Variants in PTCHD4 observed in about 807,000 individuals in gnomAD.
PTCHD4 encodes patched domain containing 4, also known as patched domain-containing protein 4.
A neutral mutation model predicts 58.1 loss-of-function variants in PTCHD4; 33 were observed. The observed-to-expected ratio is 0.57, with a 90% CI of 0.43 to 0.76. The LOEUF is 0.76. Among genes scored for constraint, PTCHD4 ranks in the 30% least tolerant of loss-of-function variants. The pLI is 0.00. For synonymous variants in PTCHD4, 478 were observed against 409.6 expected, an observed-to-expected ratio of 1.17 and a Z score of -2.02; for missense variants, 1,058 against 1,027.1, an observed-to-expected ratio of 1.03 and a Z score of -0.41.
chr6:48,093,387 G>T (rs1292744488), intron 1 of PTCHD4, among the ~76,000 whole-genome samples: 2 of 152,134 alleles, frequency 1.3e-5, no homozygotes, highest in Middle Eastern at 3.4e-3. Flanking sequence ...AAGTATTATA[G>T]AAATTAAACT....
Position 48,068,549 on chromosome 6 carries a change from A to T in PTCHD4, c.98T>A (p.Leu33Ter). The part of the protein sequence containing the change: ...GLQSFCHRLG[L>*]CVSRHPVFFL... ...AAAGACCGGGTGCCGGCTCACGCACAAACCCAGCCTGTGGCAGAACGACTG... is the reference window on the plus strand; with the variant it reads ...AAAGACCGGGTGCCGGCTCACGCACTAACCCAGCCTGTGGCAGAACGACTG... Residue 33 changes from leucine (L) to a stop codon, truncating the protein, a stop_gained, in exon 3 of 5, where the codon TTG becomes TAG. Coordinates refer to ENST00000339488, the MANE Select transcript of PTCHD4 (RefSeq NM_001384253.1). LOFTEE classifies it high-confidence loss of function. The surrounding 1 kb of genome is among the most constrained non-coding windows in gnomAD (Gnocchi z 4.2). 1.9e-6 allele frequency: 3 copies of T among 1,604,786 alleles called. No homozygotes were observed. Among genetic ancestry groups the T allele is most frequent in the Non-Finnish European group, 2.5e-6 (3 of 1,177,626 alleles).
intron 1 of PTCHD4, among the ~76,000 whole-genome samples, chr6:48,099,010 T>C (rs2113910209): frequency 6.6e-6 from 1 of 152,278 alleles, no homozygotes; most frequent in Admixed American, 6.5e-5. Flanking sequence ...ACCTCTACAG[T>C]AATTTGTTTC....
intron 1 of PTCHD4, among the ~76,000 whole-genome samples, chr6:48,084,067 G>A (rs764082016): frequency 7.2e-5 from 11 of 151,866 alleles, no homozygotes; most frequent in Non-Finnish European, 1.0e-4. Flanking sequence ...TATGGGGTTC[G>A]AATTTAGCGT....
chr6:48,082,199 G>A (rs1329167151), intron 1 of PTCHD4, among the ~76,000 whole-genome samples: 1 of 152,192 alleles, frequency 6.6e-6, no homozygotes, highest in Non-Finnish European at 1.5e-5. Flanking sequence ...AGCCAGCAGA[G>A]TTCAGGAGTC....
intron 4 of PTCHD4, among the ~76,000 whole-genome samples, chr6:47,896,872 C>T (rs538637758): frequency 4.6e-5 from 7 of 152,178 alleles, no homozygotes; most frequent in South Asian, 2.1e-4. Context: ...TTGGTAGACA[C>T]GACCAAAACC....
At position 48,068,521 on chromosome 6, in the gene PTCHD4, GA is replaced by G; in HGVS notation, c.125del (p.Phe42SerfsTer8). 1 of 1,612,192 alleles carries G rather than the reference GA, an allele frequency of 6.2e-7. No homozygotes were observed. The highest frequency in any genetic ancestry group is 8.5e-7 in the Non-Finnish European group (1 of 1,179,740). ...GLCVSRHPVF[F>X]LTVPAVLTIT... ...TTGTCAGGACTGCGGGCACGGTGAG[GA>G]AAAAGACCGGGTGCCGGCTCACGCA... On this transcript the variant is annotated frameshift_variant, in exon 3 of 5. Coordinates refer to ENST00000339488, the MANE Select transcript of PTCHD4 (RefSeq NM_001384253.1). LOFTEE classifies it high-confidence loss of function. This position sits in a 1 kb window ranked among gnomAD's most constrained non-coding sequence, Gnocchi z 4.2.
rs1015480487 is a variant in PTCHD4, at chr6:47,866,497, C to T, written c.*11806G>A. Among the ~76,000 whole-genome samples the T allele has an allele frequency of 1.3e-5, 2 of 151,700 alleles. No individual in the cohort carries two copies. The highest frequency in any genetic ancestry group is 2.4e-5 in the African/African-American group (1 of 41,344). On this transcript the variant is annotated 3_prime_UTR_variant, in exon 5 of 5. Transcript: ENST00000339488. Reference sequence around the variant, plus strand: ...AGAGTGTGTTTGTTGACCATGGTCTCGTATGGCCACTTGGTTGTTGGATTT... The same window carrying T: ...AGAGTGTGTTTGTTGACCATGGTCTTGTATGGCCACTTGGTTGTTGGATTT...
intron 3 of PTCHD4, among the ~76,000 whole-genome samples, chr6:48,037,023 C>T (rs1300649569): frequency 6.6e-6 from 1 of 152,076 alleles, no homozygotes; most frequent in African/African-American, 2.4e-5. Flanking sequence ...CCATTTACTG[C>T]AAGTAAAGGA....
intron 4 of PTCHD4, among the ~76,000 whole-genome samples, chr6:48,000,673 C>A (rs923522162): frequency 1.3e-5 from 2 of 152,168 alleles, no homozygotes; most frequent in African/African-American, 2.4e-5. Context: ...TTTCCACATG[C>A]TCTCATCCCC....
chr6:48,018,228 C>T (rs1209262544), intron 3 of PTCHD4, among the ~76,000 whole-genome samples: 4 of 152,262 alleles, frequency 2.6e-5, no homozygotes, highest in Admixed American at 6.5e-5. Context: ...ACTATACCGC[C>T]GGGTGACAGA....
intron 3 of PTCHD4, among the ~76,000 whole-genome samples, chr6:48,026,410 G>T: frequency 6.6e-6 from 1 of 152,090 alleles, no homozygotes; most frequent in East Asian, 1.9e-4. Flanking sequence ...CAGACAATTT[G>T]GAATTTCAGT....
Position 47,997,252 on chromosome 6 carries a change from C to CT in PTCHD4, c.898+11381dup, listed in dbSNP as rs974611122. ...AGTTAACCTCCTTCCTCTCTTTTTT[C>CT]TTTTTTTTTGTGCTAAAAAGTAGTT... On this transcript the variant is annotated intron_variant, in intron 4 of 4. Transcript: ENST00000339488. 2.9e-3 allele frequency among the ~76,000 whole-genome samples: 432 copies of CT among 150,710 alleles called. 1 individual carries two copies. The highest frequency in any genetic ancestry group is 8.8e-3 in the African/African-American group (363 of 41,090).
At chr6:47,934,838 C>T (rs1765945270) in intron 4 of PTCHD4, among the ~76,000 whole-genome samples, 3 of 152,156 alleles carry the variant, frequency 2.0e-5, no homozygotes, top group Non-Finnish European at 2.9e-5. Flanking sequence ...CTACAAAACC[C>T]ATGTCAATTT....
At chr6:47,909,829 C>T (rs891231593) in intron 4 of PTCHD4, among the ~76,000 whole-genome samples, 2 of 151,808 alleles carry the variant, frequency 1.3e-5, no homozygotes, top group Non-Finnish European at 2.9e-5. Flanking sequence ...CCCTTCTGTC[C>T]TTCTCTTCTA....
Position 47,860,947 on chromosome 6 carries a change from C to A in PTCHD4, c.*17356G>T, listed in dbSNP as rs1763411703. ...CTGTATCTAAGGTAGTATAGTCCAA[C>A]TAAGAAACAGAGTTGATGTGCTCCA... is the stretch of plus-strand genomic sequence containing the variant. On this transcript the variant is annotated 3_prime_UTR_variant, in exon 5 of 5. Transcript: ENST00000339488. 6.6e-6 allele frequency among the ~76,000 whole-genome samples: 1 copy of A among 151,916 alleles called. No homozygotes were observed. The highest frequency in any genetic ancestry group is 1.9e-4 in the East Asian group (1 of 5,154).
chr6:47,928,394 A>G (rs1346678375), intron 4 of PTCHD4, among the ~76,000 whole-genome samples: 1 of 152,216 alleles, frequency 6.6e-6, no homozygotes, highest in East Asian at 1.9e-4. Flanking sequence ...TAGTGGATCA[A>G]AGGCAGGGGC....
chr6:48,098,856 A>G (rs1765534681), intron 1 of PTCHD4, among the ~76,000 whole-genome samples: 1 of 152,222 alleles, frequency 6.6e-6, no homozygotes, highest in Non-Finnish European at 1.5e-5. Flanking sequence ...AATATAAGCT[A>G]TAATTAAAAA....
chr6:47,922,860 G>A (rs761559192), intron 4 of PTCHD4, among the ~76,000 whole-genome samples: 3 of 152,160 alleles, frequency 2.0e-5, no homozygotes, highest in African/African-American at 4.8e-5. Context: ...TTACATGCCT[G>A]GTTCCCAATT....
intron 4 of PTCHD4, among the ~76,000 whole-genome samples, chr6:47,894,620 G>C (rs1004525574): frequency 3.9e-5 from 6 of 152,176 alleles, no homozygotes; most frequent in African/African-American, 1.4e-4. Context: ...TTTATTTATG[G>C]ATGAACATTC....
Sources: allele counts gnomAD v4.1 joint callset (sites outside exome capture counted in the v4.1 genomes callset), GRCh38; gene constraint gnomAD v4.1.1; non-coding constraint Gnocchi (gnomAD v3.1); transcripts MANE v1.5; gene names NCBI Gene and HGNC (gene_info 2026-07-23, HGNC 2026-07-21).